KIAA0319: variants seen among roughly 807,000 people sequenced by gnomAD.
The protein encoded by KIAA0319 is dyslexia-associated protein KIAA0319.
KIAA0319 carries 83 observed loss-of-function variants against 108.4 expected under a neutral mutation model. That is an observed-to-expected ratio of 0.77 (90% confidence interval 0.64 to 0.92). The LOEUF is 0.92. KIAA0319 is among the 40% of genes least tolerant of loss of function. The pLI is 0.00. For synonymous variants in KIAA0319, 484 were observed against 510.4 expected, an observed-to-expected ratio of 0.95 and a Z score of 0.70; for missense variants, 1,195 against 1,322.4, an observed-to-expected ratio of 0.90 and a Z score of 1.49.
At chr6:24,541,658 CATG>C (rs775810577), downstream of KIAA0319, among the ~76,000 whole-genome samples, 19 of 151,792 alleles carry the variant, frequency 1.3e-4, no homozygotes, top group Non-Finnish European at 2.5e-4. Context: ...ATTAGCCCGT[CATG>C]GTGGTGGGCG....
chr6:24,573,631 T>TACACAGAC (rs1242333489), intron 10 of KIAA0319, among the ~76,000 whole-genome samples: 1 of 152,226 alleles, frequency 6.6e-6, no homozygotes, highest in South Asian at 2.1e-4. Context: ...TACGCACACT[T>TACACAGAC]ACACAGACAC....
At chr6:24,629,907 C>A (rs1169715404) in intron 1 of KIAA0319, among the ~76,000 whole-genome samples, 1 of 152,126 alleles carries the variant, frequency 6.6e-6, no homozygotes, top group Non-Finnish European at 1.5e-5. Flanking sequence ...CATGACAAGG[C>A]CGGGCCTGGT....
chr6:24,583,536 C>T, intron 5 of KIAA0319, 68 bp downstream of exon 5: 1 of 1,011,992 alleles, frequency 9.9e-7, no homozygotes, highest in Non-Finnish European at 1.5e-6. Context: ...TTGTAAATAG[C>T]CTGTAAGGAC....
intron 6 of KIAA0319, among the ~76,000 whole-genome samples, chr6:24,581,823 A>G (rs186612811): frequency 1.0e-3 from 154 of 152,280 alleles, no homozygotes; most frequent in African/African-American, 3.4e-3. Context: ...TTATTCATTC[A>G]TATCCTACTT....
chr6:24,595,159 G>A (rs540577649), intron 3 of KIAA0319, among the ~76,000 whole-genome samples: 1 of 152,300 alleles, frequency 6.6e-6, no homozygotes, highest in Non-Finnish European at 1.5e-5. Flanking sequence ...AGCACCTGTT[G>A]GGTCTTGAAG....
chr6:24,573,197 T>C lies in KIAA0319; in HGVS notation c.1735-499A>G, dbSNP rs1350704722. On this transcript the variant is annotated intron_variant, in intron 10 of 20. Transcript: ENST00000378214. The stretch of plus-strand genomic sequence containing the variant: ...ACTATTGAAGGAGTGTAAACTACCA[T>C]AGGCTTTTTGGAAGCCAGTATGAAA... 5.3e-5 allele frequency among the ~76,000 whole-genome samples: 8 copies of C among 152,296 alleles called. No homozygotes were observed. The East Asian group carries it at 1.5e-3, about 29-fold the overall frequency.
chr6:24,598,490 T>G (rs1176889177), intron 2 of KIAA0319: 1 of 481,166 alleles, frequency 2.1e-6, no homozygotes, highest in Non-Finnish European at 4.0e-6. Flanking sequence ...CTGGACATGC[T>G]GGGCCAGGAA....
At chr6:24,621,086 C>T (rs1693384689) in intron 1 of KIAA0319, among the ~76,000 whole-genome samples, 1 of 152,204 alleles carries the variant, frequency 6.6e-6, no homozygotes, top group South Asian at 2.1e-4. Flanking sequence ...CATCATCTCC[C>T]TTCCATTATG....
At chr6:24,644,188 G>A (rs765321458) in intron 1 of KIAA0319, among the ~76,000 whole-genome samples, 7 of 152,216 alleles carry the variant, frequency 4.6e-5, no homozygotes, top group Non-Finnish European at 1.0e-4. Context: ...CCGTCTGAGT[G>A]AGTGGGTGTG....
intron 1 of KIAA0319, among the ~76,000 whole-genome samples, chr6:24,631,519 T>C (rs1775578097): frequency 6.6e-6 from 1 of 152,256 alleles, no homozygotes; most frequent in Admixed American, 6.5e-5. Context: ...CAGTCTTAGA[T>C]TAATGCACTG....
chr6:24,564,429 C>G, intron 14 of KIAA0319, 89 bp from the exon 15 acceptor site: 1 of 1,527,480 alleles, frequency 6.5e-7, no homozygotes, highest in South Asian at 1.2e-5. Context: ...AGTGTCCCAT[C>G]TTTTTAACAC....
Position 24,583,631 on chromosome 6 carries a change from C to T in KIAA0319, c.1066G>A (p.Ala356Thr), listed in dbSNP as rs141038527. Residue 356 changes from alanine (A) to threonine (T), a missense_variant, in exon 5 of 21, where the codon GCC becomes ACC. Transcript: ENST00000378214. ...TLPDNEVELK[A>T]FVAPAPPVET... Reference sequence around the variant, plus strand: ...ACAGGTGGCGCTGGCGCAACAAAGGCCTTCAGTTCAACTTCATTGTCGGGT... The same window carrying T: ...ACAGGTGGCGCTGGCGCAACAAAGGTCTTCAGTTCAACTTCATTGTCGGGT... The T allele has an allele frequency of 3.0e-4, 479 of 1,613,694 alleles. No homozygotes were observed. In the African/African-American group the frequency reaches 6.0e-3, roughly 20 times the overall value.
At chr6:24,558,767 A>C (rs1181950689) in intron 17 of KIAA0319, among the ~76,000 whole-genome samples, 1 of 152,238 alleles carries the variant, frequency 6.6e-6, no homozygotes, top group Non-Finnish European at 1.5e-5. Context: ...TTCTGCCAAT[A>C]GCCATTATCT....
chr6:24,602,186 T>A (rs1237388310), intron 1 of KIAA0319, among the ~76,000 whole-genome samples: 1 of 152,118 alleles, frequency 6.6e-6, no homozygotes, highest in East Asian at 1.9e-4. Flanking sequence ...CCGGCTAATT[T>A]TTGTATTTTT....
At chr6:24,557,378 C>T (rs1471297001) in intron 17 of KIAA0319, among the ~76,000 whole-genome samples, 1 of 152,050 alleles carries the variant, frequency 6.6e-6, no homozygotes, top group African/African-American at 2.4e-5. Flanking sequence ...TGGTGTGCGC[C>T]TGTAATGCCA....
At chr6:24,630,569 A>T (rs1304838426) in intron 1 of KIAA0319, among the ~76,000 whole-genome samples, 2 of 146,250 alleles carry the variant, frequency 1.4e-5, no homozygotes, top group Non-Finnish European at 3.0e-5. Flanking sequence ...TTACATTAAA[A>T]AATTAGTCAT....
chr6:24,589,108 A>C (rs1423307431), intron 3 of KIAA0319, among the ~76,000 whole-genome samples: 1 of 152,050 alleles, frequency 6.6e-6, no homozygotes, highest in Non-Finnish European at 1.5e-5. Context: ...ACCTCCTTCC[A>C]CCCCAAAAAA....
At chr6:24,613,067 T>A (rs6939068) in intron 1 of KIAA0319, among the ~76,000 whole-genome samples, 18,940 of 152,202 alleles carry the variant, frequency 0.12, 2,373 homozygotes, top group East Asian at 0.48. Flanking sequence ...GAATTTTTTT[T>A]AAAAACAAAT....
At chr6:24,561,821 G>C (rs1255250739) in intron 16 of KIAA0319, among the ~76,000 whole-genome samples, 1 of 152,138 alleles carries the variant, frequency 6.6e-6, no homozygotes, top group African/African-American at 2.4e-5. Context: ...TCCTGCCTCA[G>C]CCTCTTGAGT....
Sources: allele counts gnomAD v4.1 joint callset (sites outside exome capture counted in the v4.1 genomes callset), GRCh38; gene constraint gnomAD v4.1.1; transcripts MANE v1.5; gene names NCBI Gene and HGNC (gene_info 2026-07-23, HGNC 2026-07-21).